Variants in NWD1 observed in about 807,000 individuals in gnomAD.
NWD1 encodes the protein NACHT domain- and WD repeat-containing protein 1.
NWD1 carries 129 observed loss-of-function variants against 135.1 expected under a neutral mutation model. The ratio of observed to expected loss-of-function variants is 0.96; its 90% CI spans 0.83 to 1.11. The LOEUF is 1.11. Ranked by LOEUF, NWD1 falls within the 50% of genes least tolerant of loss-of-function variation. The pLI is 0.00. For missense variants in NWD1, 1,740 were observed against 1,851.3 expected (o/e 0.94, Z 1.10); for synonymous variants, 773 against 786.0 (o/e 0.98, Z 0.28).
chr19:16,794,505 G>T lies in NWD1; in HGVS notation c.3256G>T (p.Ala1086Ser). The change falls in exon 15 of 19, where the codon GCT becomes TCT. Residue 1086 changes from alanine to serine, a missense_variant. Physicochemically the swap from Ala to Ser is moderately conservative, Grantham distance 99. Coordinates refer to ENST00000524140, the MANE Select transcript of NWD1 (RefSeq NM_001007525.5). Reference sequence around the variant, plus strand: ...CAGATTGCTGGAGAAGCTTCCAGATGCTGTGAGGTTCCTGGTGGTCTCTGA... The same window carrying T: ...CAGATTGCTGGAGAAGCTTCCAGATTCTGTGAGGTTCCTGGTGGTCTCTGA... ...GDRLLEKLPD[A>S]VRFLVVSEDE... 6.2e-7 allele frequency: 1 copy of T among 1,612,072 alleles called. No homozygotes were observed. Among genetic ancestry groups the T allele is most frequent in the African/African-American group, 1.3e-5 (1 of 75,052 alleles).
rs559641372 is a variant in NWD1 at position 16,734,626 on chromosome 19, G to T, written c.82-2008G>T. 1.2e-4 allele frequency among the ~76,000 whole-genome samples: 18 copies of T among 151,378 alleles called. No individual in the cohort carries two copies. In the South Asian group the frequency reaches 3.5e-3, roughly 30 times the overall value. ...GGGTGTCGCTCTGTCACCCAGGCTG[G>T]AGTGCAGGCATGCAATCACAGCTCA... On this transcript the variant is annotated intron_variant, in intron 3 of 18. Coordinates refer to ENST00000524140, the MANE Select transcript of NWD1 (RefSeq NM_001007525.5).
At chr19:16,791,081 A>G (rs1970227481) in intron 13 of NWD1, among the ~76,000 whole-genome samples, 1 of 152,060 alleles carries the variant, frequency 6.6e-6, no homozygotes, top group Non-Finnish European at 1.5e-5. Context: ...AAACAAATTT[A>G]AAAATAGCCA....
chr19:16,793,828 C>T (rs933249826), intron 14 of NWD1, among the ~76,000 whole-genome samples: 4 of 151,992 alleles, frequency 2.6e-5, no homozygotes, highest in Non-Finnish European at 5.9e-5. Flanking sequence ...CCACCCACTT[C>T]GGTCTCCCAA....
intron 18 of NWD1, among the ~76,000 whole-genome samples, chr19:16,814,157 CA>C (rs1485351661): frequency 3.3e-5 from 5 of 151,616 alleles, no homozygotes; most frequent in Admixed American, 2.0e-4. Context: ...GAGACCCTGT[CA>C]AAAAAAATGA....
At chr19:16,807,563 T>G (rs1568396694) in intron 17 of NWD1, 23 bp from the exon 18 acceptor site, 2 of 1,508,946 alleles carry the variant, frequency 1.3e-6, no homozygotes, top group Non-Finnish European at 1.8e-6. Flanking sequence ...GTGTAAGTCA[T>G]TCTCATTTTT....
At chr19:16,788,232 A>AAATAATAAT (rs200511332) in intron 12 of NWD1, among the ~76,000 whole-genome samples, 14 of 115,424 alleles carry the variant, frequency 1.2e-4, no homozygotes, top group East Asian at 2.5e-4. Flanking sequence ...CTTCATCTCA[A>AAATAATAAT]AATAATAATA....
intron 1 of NWD1, among the ~76,000 whole-genome samples, chr19:16,722,117 AAAAAACAAC>A (rs1967159256): frequency 1.3e-4 from 6 of 45,146 alleles, no homozygotes; most frequent in Non-Finnish European, 2.9e-4. Context: ...TGTCTCTTGA[AAAAAACAAC>A]AACAACAACA....
intron 4 of NWD1, among the ~76,000 whole-genome samples, chr19:16,741,301 T>G (rs150575186): frequency 3.0e-4 from 46 of 152,194 alleles, no homozygotes; most frequent in African/African-American, 1.1e-3. Context: ...TCCCCCTGCC[T>G]GCAAGATACT....
At position 16,749,220 on chromosome 19, in the gene NWD1, A is replaced by G; in HGVS notation, c.578A>G (p.Gln193Arg). The change falls in exon 6 of 19, where the codon CAA becomes CGA. Residue 193 changes from glutamine (Q) to arginine (R), a missense_variant. Physicochemically the swap from Gln to Arg is conservative, Grantham distance 43. Coordinates refer to ENST00000524140, the MANE Select transcript of NWD1 (RefSeq NM_001007525.5). ...GCCACCGTCTTCCTTAGAGAGATCC[A>G]AGACCTCCACAAACACATCCTTGAA... ...QGATVFLREI[Q>R]DLHKHILEDC... The G allele has an allele frequency of 6.2e-7, 1 of 1,614,092 alleles. No homozygotes were observed.
chr19:16,751,148 C>T (rs954342206), intron 6 of NWD1, among the ~76,000 whole-genome samples: 4 of 150,068 alleles, frequency 2.7e-5, no homozygotes, highest in South Asian at 2.1e-4. Flanking sequence ...CACTTGAATC[C>T]GGGAGGTGGA....
intron 4 of NWD1, among the ~76,000 whole-genome samples, chr19:16,738,725 A>G (rs1390178788): frequency 7.0e-6 from 1 of 143,642 alleles, no homozygotes; most frequent in Non-Finnish European, 1.5e-5. Flanking sequence ...ACATATATAT[A>G]TAATCTATAT....
intron 3 of NWD1, among the ~76,000 whole-genome samples, chr19:16,735,827 AAAGAAG>A (rs1568337302): frequency 4.3e-4 from 25 of 58,078 alleles, no homozygotes; most frequent in East Asian, 6.6e-4. Flanking sequence ...GGAAGGAAGG[AAAGAAG>A]GAAGGAAGGA....
intron 10 of NWD1, among the ~76,000 whole-genome samples, chr19:16,766,434 A>G (rs1969226493): frequency 6.6e-6 from 1 of 152,140 alleles, no homozygotes; most frequent in Admixed American, 6.6e-5. Context: ...ACTTATTTCT[A>G]GCTCCCAGAT....
At position 16,759,256 on chromosome 19, in the gene NWD1, G is replaced by A. The variant is rs748753039; in HGVS notation, c.1801G>A (p.Val601Ile). ...HGLSEAELKDVLSLDDEVLQD... is the reference protein window; with the variant it reads ...HGLSEAELKDILSLDDEVLQD... ...TCTCTCGGAGGCGGAGCTGAAGGAT[G>A]TTTTGTCCCTGGACGACGAGGTCCT... The change falls in exon 7 of 19, where the codon GTT becomes ATT. Residue 601 changes from valine to isoleucine, a missense_variant. Coordinates refer to ENST00000524140, the MANE Select transcript of NWD1 (RefSeq NM_001007525.5). 3.1e-6 allele frequency: 5 copies of A among 1,614,170 alleles called. No individual in the cohort carries two copies. In the South Asian group the frequency reaches 5.5e-5, roughly 18 times the overall value.
At position 16,779,414 on chromosome 19, in the gene NWD1, G is replaced by A; in HGVS notation, c.2680G>A (p.Val894Met). Reference sequence around the variant, plus strand: ...TGGCACCCAGGATGGCATCATGGCTGTGTGGGACATGGAAGAGCAGCATGT... The same window carrying A: ...TGGCACCCAGGATGGCATCATGGCTATGTGGGACATGGAAGAGCAGCATGT... ...VIGTQDGIMA[V>M]WDMEEQHVIH... The change falls in exon 12 of 19, where the codon GTG (valine) becomes ATG (methionine). Residue 894 changes from valine to methionine, a missense_variant. Transcript: ENST00000524140. 1 of 1,613,764 alleles carries A rather than the reference G, an allele frequency of 6.2e-7. No homozygotes were observed. Among genetic ancestry groups the A allele is most frequent in the South Asian group, 1.1e-5 (1 of 91,082 alleles).
chr19:16,740,760 C>T (rs751132985), intron 4 of NWD1, among the ~76,000 whole-genome samples: 15 of 151,596 alleles, frequency 9.9e-5, no homozygotes, highest in Non-Finnish European at 1.9e-4. Context: ...GTGTGAGCCA[C>T]CGCACTGGCC....
chr19:16,766,608 C>A (rs1250492584), intron 10 of NWD1, among the ~76,000 whole-genome samples: 2 of 150,452 alleles, frequency 1.3e-5, no homozygotes, highest in Admixed American at 6.6e-5. Context: ...TTTTTTGAGA[C>A]AGGATCTCGC....
In NWD1 at chr19:16,773,145, A is replaced by T. The variant is rs1388091354; in HGVS notation, c.2430A>T (p.Thr810=). ...TTGCAGAGAGGAGCCTCCTGTACAC[A>T]GAACTGCTGGCCAGACTCCATTTCT... ...LRGMERSLLY[T]ELLARLHFFA... Residue 810 remains threonine (T), a synonymous_variant, in exon 11 of 19, where the codon ACA becomes ACT. Coordinates refer to ENST00000524140, the MANE Select transcript of NWD1 (RefSeq NM_001007525.5). 1 of 1,613,944 alleles carries T rather than the reference A, an allele frequency of 6.2e-7. No homozygotes were observed. The highest frequency in any genetic ancestry group is 8.5e-7 in the Non-Finnish European group (1 of 1,180,016).
At chr19:16,812,651 A>C (rs1426693453) in intron 18 of NWD1, 19 of 754,092 alleles carry the variant, frequency 2.5e-5, no homozygotes, top group Non-Finnish European at 4.7e-5. Flanking sequence ...CCTGGGCAAC[A>C]AGAGTGAAAC....
Sources: gnomAD v4.1 joint callset for allele counts (sites outside exome capture counted in the v4.1 genomes callset) on GRCh38, gnomAD v4.1.1 for gene constraint, MANE v1.5 for transcripts, NCBI Gene and HGNC (gene_info 2026-07-23, HGNC 2026-07-21) for gene names.